Variants in NR1H3 observed in about 807,000 individuals in gnomAD.
NR1H3 encodes nuclear receptor subfamily 1 group H member 3.
A neutral mutation model predicts 48.1 loss-of-function variants in NR1H3; 19 were observed. That is an observed-to-expected ratio of 0.40 (90% CI 0.28 to 0.58). NR1H3 has a LOEUF of 0.58. Among genes scored for constraint, NR1H3 ranks in the 20% least tolerant of loss-of-function variants. The pLI is 0.50. For missense variants in NR1H3, 486 were observed against 595.9 expected, an observed-to-expected ratio of 0.82 and a Z score of 1.92; for synonymous variants, 232 against 227.3, an observed-to-expected ratio of 1.02 and a Z score of -0.19.
Position 47,268,917 on chromosome 11 carries a change from C to T in NR1H3, c.*221C>T. On this transcript the variant is annotated 3_prime_UTR_variant, in exon 10 of 10. Transcript: ENST00000441012. ...GCTGTGTCTGAAGATCATGCTGACC[C>T]CACAAACGGATGGGCCTGGGGGCCA... 1 of 571,422 alleles carries T rather than the reference C, an allele frequency of 1.8e-6. No homozygotes were observed. Among genetic ancestry groups the T allele is most frequent in the Non-Finnish European group, 3.0e-6 (1 of 330,822 alleles). 35.4% of individuals were successfully genotyped at this position (571,422 alleles called of 1,614,324 possible).
chr11:47,255,511 CGTT>C (rs1342910494), upstream of NR1H3, among the ~76,000 whole-genome samples: 1 of 152,110 alleles, frequency 6.6e-6, no homozygotes, highest in Non-Finnish European at 1.5e-5. Flanking sequence ...ATGTGCCACA[CGTT>C]GTGATAGACT....
At chr11:47,255,595 T>TCTCTC (rs1565178662), upstream of NR1H3, among the ~76,000 whole-genome samples, 31 of 61,400 alleles carry the variant, frequency 5.0e-4, no homozygotes, top group South Asian at 7.1e-3. Context: ...CTTTCTTTCT[T>TCTCTC]TCTCTCTCTC....
rs1957075487 is a variant in NR1H3 at position 47,268,108 on chromosome 11, G to C, written c.1102+82G>C. 11 of 1,239,642 alleles carry C rather than the reference G, an allele frequency of 8.9e-6. No homozygotes were observed. In the Admixed American group the frequency reaches 1.8e-4, roughly 21 times the overall value. The allele number at this position is 1,239,642 out of a possible 1,614,324, so 76.8% of individuals were successfully genotyped here. ...GTCCCACAGGAATCGGTGGGGGGAG[G>C]GGGGTGGTGGCTTGGGAGGGTGGAG... On this transcript the variant is annotated intron_variant, in intron 8 of 9. Transcript: ENST00000441012.
chr11:47,266,551 C>G (rs554258339), intron 7 of NR1H3, among the ~76,000 whole-genome samples: 1 of 152,118 alleles, frequency 6.6e-6, no homozygotes, highest in South Asian at 2.1e-4. Context: ...CCAGGCTGGT[C>G]TCAAACTCTT....
chr11:47,248,592 C>T, upstream of NR1H3: 1 of 1,552,908 alleles, frequency 6.4e-7, no homozygotes, highest in African/African-American at 1.4e-5. Context: ...ACCAGCTGTT[C>T]CTTCCCGAGA....
chr11:47,253,134 C>CGTGTGTGTGTGTGTGCGTGTGTGTGT (rs60982687), upstream of NR1H3, among the ~76,000 whole-genome samples: 1 of 147,654 alleles, frequency 6.8e-6, no homozygotes, highest in African/African-American at 2.5e-5. Context: ...AATTTTTGTG[C>CGTGTGTGTGTGTGTGCGTGTGTGTGT]GTGTGTGTGT....
chr11:47,261,131 G>C, intron 4 of NR1H3, 110 bp from the exon 5 acceptor site: 1 of 786,080 alleles, frequency 1.3e-6, no homozygotes, highest in Admixed American at 2.9e-5. Context: ...TGCTTTTCTG[G>C]AGCCCCAAAC....
At chr11:47,252,191 A>C (rs1954719117) in intron 1 of NR1H3, among the ~76,000 whole-genome samples, 1 of 152,170 alleles carries the variant, frequency 6.6e-6, no homozygotes, top group African/African-American at 2.4e-5. Flanking sequence ...AGCAAACCTA[A>C]ATCCAGGTAT....
upstream of NR1H3, among the ~76,000 whole-genome samples, chr11:47,255,104 G>C (rs1297352060): frequency 1.3e-5 from 2 of 152,170 alleles, no homozygotes; most frequent in African/African-American, 2.4e-5. Flanking sequence ...CATCTGCAGG[G>C]TTCTCAGCCT....
At chr11:47,257,298 C>A (rs1320606453), upstream of NR1H3, among the ~76,000 whole-genome samples, 2 of 152,176 alleles carry the variant, frequency 1.3e-5, no homozygotes, top group African/African-American at 4.8e-5. Context: ...TTCCCAGGTC[C>A]ATCCTGGGCT....
Position 47,261,967 on chromosome 11 carries a change from A to G in NR1H3, c.937A>G (p.Ile313Val). The G allele has an allele frequency of 1.9e-6, 3 of 1,614,156 alleles. 1 individual carries two copies. In the South Asian group the frequency reaches 3.3e-5, roughly 18 times the overall value. ...GAGGTACAACCCTGGGAGTGAGAGT[A>G]TCACCTTCCTCAAGGATTTCAGTTA... ...SRRYNPGSESITFLKDFSYNR... is the reference protein window; with the variant it reads ...SRRYNPGSESVTFLKDFSYNR... The change falls in exon 7 of 10, where the codon ATC (isoleucine) becomes GTC (valine). Residue 313 changes from isoleucine to valine, a missense_variant. Transcript: ENST00000441012.
chr11:47,253,558 T>A (rs1954838576), upstream of NR1H3, among the ~76,000 whole-genome samples: 3 of 152,176 alleles, frequency 2.0e-5, 1 homozygote, highest in Admixed American at 2.0e-4. Context: ...TCCAGAACGG[T>A]GAAGGAGGGA....
intron 7 of NR1H3, among the ~76,000 whole-genome samples, chr11:47,265,020 G>C (rs1486666961): frequency 6.6e-6 from 1 of 152,088 alleles, no homozygotes; most frequent in African/African-American, 2.4e-5. Flanking sequence ...GCCGCCGGGC[G>C]TGGTGGCTTA....
chr11:47,260,085 G>A lies in NR1H3; in HGVS notation c.232+106G>A, dbSNP rs373631278. 1.6e-5 allele frequency: 17 copies of A among 1,072,484 alleles called. No homozygotes were observed. The African/African-American group carries it at 2.1e-4, about 13-fold the overall frequency. The allele number at this position is 1,072,484 out of a possible 1,614,324, so 66.4% of individuals were successfully genotyped here. Reference sequence around the variant, plus strand: ...ACTTTATATATAATCTCATGGTTAAGTTCAGAGGCTTTAGAGCTAACTAAA... The same window carrying A: ...ACTTTATATATAATCTCATGGTTAAATTCAGAGGCTTTAGAGCTAACTAAA... On this transcript the variant is annotated intron_variant, in intron 3 of 9. Coordinates refer to ENST00000441012, the MANE Select transcript of NR1H3 (RefSeq NM_005693.4).
intron 1 of NR1H3, among the ~76,000 whole-genome samples, chr11:47,250,904 A>G (rs1954601571): frequency 6.6e-6 from 1 of 152,248 alleles, no homozygotes; most frequent in African/African-American, 2.4e-5. Context: ...TCACGCCTGT[A>G]ATCCCGGCAC....
chr11:47,261,374 G>A lies in NR1H3; in HGVS notation c.633G>A (p.Leu211=). 1 of 1,614,080 alleles carries A rather than the reference G, an allele frequency of 6.2e-7. No homozygotes were observed. Among genetic ancestry groups the A allele is most frequent in the South Asian group, 1.1e-5 (1 of 91,074 alleles). Residue 211 remains leucine, a synonymous_variant, in exon 5 of 10, where the codon CTG becomes CTA. Transcript: ENST00000441012. ...TGCCCCAGCTCAGCCCGGAACAACT[G>A]GGCATGATCGAGAAGCTCGTCGCTG... ...QILPQLSPEQ[L]GMIEKLVAAQ...
exon 1 of NR1H3, chr11:47,248,942 T>G (rs768000474): frequency 9.8e-6 from 15 of 1,532,980 alleles, no homozygotes; most frequent in Non-Finnish European, 1.2e-5. Flanking sequence ...AGGCGCAGTC[T>G]CGGTGGGATT....
In NR1H3 at chr11:47,259,973, C is replaced by T; in HGVS notation, c.226C>T (p.Pro76Ser). ...LLTRAEPPSEPTEIRPQKRKK... is the reference protein window; with the variant it reads ...LLTRAEPPSESTEIRPQKRKK... ...CACCAGGGCAGAGCCCCCTTCAGAA[C>T]CCACAGGTGAGGAGCTTCTGGGTTT... The change falls in exon 3 of 10, where the codon CCC becomes TCC. Residue 76 changes from proline to serine, a missense_variant. Transcript: ENST00000441012. 6.6e-7 allele frequency: 1 copy of T among 1,525,294 alleles called. No individual in the cohort carries two copies. The highest frequency in any genetic ancestry group is 2.3e-5 in the East Asian group (1 of 43,500). The allele number at this position is 1,525,294 out of a possible 1,614,324, so 94.5% of individuals were successfully genotyped here.
rs1955919100 is a variant in NR1H3 at position 47,261,953 on chromosome 11, C to A, written c.923C>A (p.Pro308His). Reference protein sequence around the residue: ...MLLETSRRYNPGSESITFLKD... With the variant: ...MLLETSRRYNHGSESITFLKD... ...CTGGAGACATCTCGGAGGTACAACC[C>A]TGGGAGTGAGAGTATCACCTTCCTC... is the stretch of plus-strand genomic sequence containing the variant. The change falls in exon 7 of 10, where the codon CCT becomes CAT. Residue 308 changes from proline (P) to histidine (H), a missense_variant. Pro to His is a moderately conservative substitution (Grantham distance 77). Coordinates refer to ENST00000441012, the MANE Select transcript of NR1H3 (RefSeq NM_005693.4). The A allele has an allele frequency of 6.2e-7, 1 of 1,614,156 alleles. No homozygotes were observed. Among genetic ancestry groups the A allele is most frequent in the Admixed American group, 1.7e-5 (1 of 60,020 alleles).
Sources: gnomAD v4.1 joint callset for allele counts (sites outside exome capture counted in the v4.1 genomes callset) on GRCh38, gnomAD v4.1.1 for gene constraint, MANE v1.5 for transcripts, NCBI Gene and HGNC (gene_info 2026-07-23, HGNC 2026-07-21) for gene names.